The following SETD2 variants were observed in gnomAD, a reference collection of about 807,000 sequenced individuals.
SETD2 encodes histone-lysine N-methyltransferase SETD2.
Under a neutral mutation model 242.1 loss-of-function variants are expected in SETD2, and 31 were observed. The ratio of observed to expected loss-of-function variants is 0.13; its 90% CI spans 0.10 to 0.17. SETD2 has a LOEUF of 0.17. Ranked by LOEUF, SETD2 falls within the 10% of genes least tolerant of loss-of-function variation. SETD2 has a pLI of 1.00. For missense variants in SETD2, 2,481 were observed against 3,046.3 expected (o/e 0.81, Z 4.37); for synonymous variants, 1,006 against 1,066.5 (o/e 0.94, Z 1.11).
chr3:47,077,009 A>C (rs1236679046), intron 12 of SETD2, among the ~76,000 whole-genome samples: 1 of 152,118 alleles, frequency 6.6e-6, no homozygotes. Flanking sequence ...GAATGAGAGC[A>C]AGAAGGATAA....
In SETD2 at chr3:47,121,306, T is replaced by C. The variant is rs2106645586; in HGVS notation, c.3330A>G (p.Arg1110=). 1 of 1,612,456 alleles carries C rather than the reference T, an allele frequency of 6.2e-7. No homozygotes were observed. Among genetic ancestry groups the C allele is most frequent in the Non-Finnish European group, 8.5e-7 (1 of 1,179,986 alleles). The stretch of plus-strand genomic sequence containing the variant: ...TTTCAAATTTTTCCTCATACAAATG[T>C]CTCCTTGACTCCAATCTCTCATCTT... The part of the protein sequence containing the change: ...HWEDERLESR[R]HLYEEKFESI... Residue 1110 remains arginine (R), a synonymous_variant, in exon 3 of 21, where the codon AGA becomes AGG. Coordinates refer to ENST00000409792, the MANE Select transcript of SETD2 (RefSeq NM_014159.7).
intron 5 of SETD2, among the ~76,000 whole-genome samples, chr3:47,107,695 G>A (rs1330246248): frequency 7.9e-6 from 1 of 126,966 alleles, no homozygotes; most frequent in Non-Finnish European, 1.6e-5. Flanking sequence ...CCTCCCTCAA[G>A]AAAAAGAAAA....
chr3:47,127,485 T>C (rs1452589064), intron 1 of SETD2: 4 of 403,566 alleles, frequency 9.9e-6, no homozygotes, highest in Non-Finnish European at 2.0e-5. Flanking sequence ...CCCAACACTT[T>C]AAGAGGCTAA....
chr3:47,099,491 A>C (rs1257796838), intron 8 of SETD2, among the ~76,000 whole-genome samples: 14 of 152,248 alleles, frequency 9.2e-5, no homozygotes, highest in Admixed American at 9.2e-4. Flanking sequence ...GTGTTCTTTC[A>C]TTATGAGGCA....
In SETD2 at chr3:47,027,800, G is replaced by GT. The variant is rs1222270721; in HGVS notation, c.7351-7961dup. 2.5e-3 allele frequency among the ~76,000 whole-genome samples: 351 copies of GT among 143,198 alleles called. 1 individual carries two copies. Among genetic ancestry groups the GT allele is most frequent in the South Asian group, 9.5e-3 (43 of 4,524 alleles). The allele number at this position is 143,198 out of a possible 152,430, so 93.9% of individuals were successfully genotyped here. A position where few individuals can be genotyped will look rare whatever the true frequency, so the allele number is the denominator to read the frequency against. On this transcript the variant is annotated intron_variant, in intron 18 of 20. Coordinates refer to ENST00000409792, the MANE Select transcript of SETD2 (RefSeq NM_014159.7). ...GCTGCTGGTTTTTTTTTTTGTTTTT[G>GT]TTTTTTTTTTTGAGATGGAGTCTCG...
chr3:47,052,593 G>C (rs111534621), intron 15 of SETD2, among the ~76,000 whole-genome samples: 150 of 152,200 alleles, frequency 9.9e-4, no homozygotes, highest in African/African-American at 3.4e-3. Flanking sequence ...GAGGCAGGTG[G>C]ATCACCTGAG....
intron 12 of SETD2, among the ~76,000 whole-genome samples, chr3:47,074,721 G>A (rs1333585275): frequency 6.7e-6 from 1 of 149,024 alleles, no homozygotes; most frequent in Non-Finnish European, 1.5e-5. Context: ...ATATATACAC[G>A]CCCCTGTTAG....
At chr3:47,107,727 GGGT>G (rs1326096519) in intron 5 of SETD2, among the ~76,000 whole-genome samples, 637 of 20,202 alleles carry the variant, frequency 0.032, 10 homozygotes, top group African/African-American at 0.14. Flanking sequence ...TGGCGGGGGG[GGGT>G]GGGGGGGGGG....
Position 47,122,226 on chromosome 3 carries a change from A to G in SETD2, c.2410T>C (p.Leu804=), listed in dbSNP as rs2043126333. ...YCTLNDSNPS[L]CNSEAENIEP... is the part of the protein sequence containing the mutation. ...ATATTTTCAGCTTCAGAGTTACACA[A>G]AGAAGGGTTGCTATCGTTCAAAGTA... The change falls in exon 3 of 21, where the codon TTG becomes CTG. Residue 804 remains leucine (L), a synonymous_variant. Transcript: ENST00000409792. 1.2e-6 allele frequency: 2 copies of G among 1,613,998 alleles called. No homozygotes were observed. The highest frequency in any genetic ancestry group is 3.3e-5 in the Admixed American group (2 of 59,994).
In SETD2 at chr3:47,120,766, T is replaced by C. The variant is rs765015864; in HGVS notation, c.3870A>G (p.Ala1290=). ...ACGGHKYQQN[A]EQYGGTRDYW... is the part of the protein sequence containing the mutation. ...AATCACGTGTCCCACCATACTGTTC[T>C]GCATTTTGCTGATACTTGTGTCCAC... Residue 1290 remains alanine (A), a synonymous_variant, in exon 3 of 21, where the codon GCA becomes GCG. Transcript: ENST00000409792. The C allele has an allele frequency of 6.8e-6, 11 of 1,614,120 alleles. No individual in the cohort carries two copies. In the East Asian group the frequency reaches 2.0e-4, roughly 29 times the overall value.
rs58212046 is a variant in SETD2, at chr3:47,058,887, C to CG, written c.6294-1398dup. Among the ~76,000 whole-genome samples the CG allele has an allele frequency of 1.9e-3, 285 of 151,920 alleles. 2 individuals are homozygous for CG. Among genetic ancestry groups the CG allele is most frequent in the African/African-American group, 6.6e-3 (273 of 41,412 alleles). On this transcript the variant is annotated intron_variant, in intron 14 of 20. Transcript: ENST00000409792. ...TCTGTTCACTGCAAGCTCCACCCCC[C>CG]GGGTTCATGCCATTCTTCTGCCTCA...
intron 15 of SETD2, among the ~76,000 whole-genome samples, chr3:47,048,924 C>T (rs1024207442): frequency 2.6e-5 from 4 of 151,980 alleles, no homozygotes; most frequent in African/African-American, 7.3e-5. Context: ...CCTCAGCCTC[C>T]CAAAGTGCTG....
At chr3:47,062,064 A>G in intron 14 of SETD2, 99 bp downstream of exon 14, 1 of 1,079,752 alleles carries the variant, frequency 9.3e-7, no homozygotes, top group Non-Finnish European at 1.3e-6. Flanking sequence ...ACTAATTCCA[A>G]AAGCCCTTGA....
intron 5 of SETD2, among the ~76,000 whole-genome samples, chr3:47,110,032 C>G (rs1273179343): frequency 6.8e-6 from 1 of 146,232 alleles, no homozygotes; most frequent in East Asian, 2.0e-4. Context: ...CATCAACTAA[C>G]AAAAGGATAT....
Position 47,120,784 on chromosome 3 carries a change from G to A in SETD2, c.3852C>T (p.His1284=), listed in dbSNP as rs1438202150. 3 of 1,614,058 alleles carry A rather than the reference G, an allele frequency of 1.9e-6. No homozygotes were observed. Among genetic ancestry groups the A allele is most frequent in the South Asian group, 1.1e-5 (1 of 91,086 alleles). Residue 1284 remains histidine, a synonymous_variant, in exon 3 of 21, where the codon CAC becomes CAT. Transcript: ENST00000409792. ...PDSSYGACGG[H]KYQQNAEQYG... is the part of the protein sequence containing the mutation. The stretch of plus-strand genomic sequence containing the variant: ...ACTGTTCTGCATTTTGCTGATACTT[G>A]TGTCCACCACAAGCTCCATAGCTAC...
chr3:47,085,936 A>C (rs375234000), intron 11 of SETD2, among the ~76,000 whole-genome samples: 1 of 152,190 alleles, frequency 6.6e-6, no homozygotes, highest in African/African-American at 2.4e-5. Context: ...TGTTGTTATT[A>C]TATCTTGCTC....
Position 47,120,845 on chromosome 3 carries a change from T to A in SETD2, c.3791A>T (p.Gln1264Leu). The change falls in exon 3 of 21, where the codon CAA becomes CTA. Residue 1264 changes from glutamine to leucine, a missense_variant. By Grantham distance (113) the Gln-to-Leu change is moderately radical. Around this residue, in one of 17 missense-constraint regions of SETD2, gnomAD observed 1,300 missense variants for 1,259.2 expected, o/e 1.03. Transcript: ENST00000409792. ...ELRNLGWDFS[Q>L]EKPSTTYQQP... ...CTGATACGTGGTAGAAGGCTTTTCT[T>A]GAGAGAAGTCCCAACCTAAGTTTCT... 1 of 1,614,246 alleles carries A rather than the reference T, an allele frequency of 6.2e-7. No homozygotes were observed. Among genetic ancestry groups the A allele is most frequent in the Non-Finnish European group, 8.5e-7 (1 of 1,180,034 alleles).
chr3:47,155,986 T>C (rs2044118339), intron 1 of SETD2, among the ~76,000 whole-genome samples: 1 of 152,140 alleles, frequency 6.6e-6, no homozygotes, highest in South Asian at 2.1e-4. Flanking sequence ...ACGGTACTCT[T>C]GGAAGAATTA....
chr3:47,105,425 A>AAG (rs1432748600), intron 6 of SETD2, among the ~76,000 whole-genome samples: 1 of 151,216 alleles, frequency 6.6e-6, no homozygotes, highest in African/African-American at 2.4e-5. Context: ...AAAAAAAAAA[A>AAG]AAGGCACTCT....
Sources: gnomAD v4.1 joint callset for allele counts (sites outside exome capture counted in the v4.1 genomes callset) on GRCh38, gnomAD v4.1.1 for gene constraint, gnomAD v4.1.1 regional missense constraint, MANE v1.5 for transcripts, NCBI Gene and HGNC (gene_info 2026-07-23, HGNC 2026-07-21) for gene names.